The following ADORA2B variants were observed in gnomAD, a reference collection of about 807,000 sequenced individuals.
ADORA2B encodes the protein adenosine A2b receptor, also known as adenosine receptor A2b.
Under a neutral mutation model 20.8 loss-of-function variants are expected in ADORA2B, and 18 were observed. That is an observed-to-expected ratio of 0.87 (90% CI 0.60 to 1.29). The LOEUF is 1.29. Among genes scored for constraint, ADORA2B ranks in the 50% most tolerant of loss-of-function variants. The pLI is 0.00. For synonymous variants in ADORA2B, 179 were observed against 178.3 expected (o/e 1.00, Z -0.03); for missense variants, 441 against 422.7 (o/e 1.04, Z -0.38).
the ADORA2B span, among the ~76,000 whole-genome samples, chr17:15,932,951 ATTTTT>A: frequency 0.17 from 23,141 of 135,654 alleles, 1,819 homozygotes; most frequent in Non-Finnish European, 0.2. Flanking sequence ...TAGTCCTTCA[ATTTTT>A]TTTTTTTTTT....
rs139545406 is a variant in ADORA2B at position 15,949,440 on chromosome 17, G to C, written c.335+3857G>C. The stretch of plus-strand genomic sequence containing the variant: ...AGGCAGGAGAATTGCTTGAACCCAA[G>C]AGACAGAGGTTGCCGTGAGCCAGGA... On this transcript the variant is annotated intron_variant, in intron 1 of 1. Coordinates refer to ENST00000304222, the MANE Select transcript of ADORA2B (RefSeq NM_000676.4). Among the ~76,000 whole-genome samples the C allele has an allele frequency of 4.2e-3, 640 of 152,152 alleles. 4 individuals carry two copies. The highest frequency in any genetic ancestry group is 0.014 in the African/African-American group (601 of 41,504).
chr17:15,856,417 C>G, the ADORA2B span, among the ~76,000 whole-genome samples: 1 of 152,048 alleles, frequency 6.6e-6, no homozygotes, highest in Non-Finnish European at 1.5e-5. Flanking sequence ...TCTTTATAGC[C>G]GCGTGAAAAC....
the ADORA2B span, among the ~76,000 whole-genome samples, chr17:15,894,755 A>G: frequency 6.6e-6 from 1 of 152,190 alleles, no homozygotes; most frequent in Non-Finnish European, 1.5e-5. Flanking sequence ...ATTTTCTGAG[A>G]TGGGGAGGGC....
chr17:15,879,564 G>C, the ADORA2B span, among the ~76,000 whole-genome samples: 181 of 146,922 alleles, frequency 1.2e-3, no homozygotes, highest in African/African-American at 4.5e-3. Flanking sequence ...TTGAGACGGA[G>C]TCTTGCTCTG....
At chr17:15,940,300 A>G (rs1401195112), upstream of ADORA2B, among the ~76,000 whole-genome samples, 1 of 152,210 alleles carries the variant, frequency 6.6e-6, no homozygotes, top group African/African-American at 2.4e-5. Flanking sequence ...GACCTACCCA[A>G]CAGTCGTTCA....
chr17:15,864,555 G>C, the ADORA2B span, among the ~76,000 whole-genome samples: 1 of 152,094 alleles, frequency 6.6e-6, no homozygotes, highest in Non-Finnish European at 1.5e-5. Flanking sequence ...TGAGCTGATA[G>C]GGATTTCTTT....
the ADORA2B span, among the ~76,000 whole-genome samples, chr17:15,901,567 C>G: frequency 6.6e-6 from 1 of 151,986 alleles, no homozygotes; most frequent in South Asian, 2.1e-4. Context: ...TAGGCATTTT[C>G]CATGCATGGA....
upstream of ADORA2B, among the ~76,000 whole-genome samples, chr17:15,940,824 G>T (rs1969737556): frequency 6.6e-6 from 1 of 152,224 alleles, no homozygotes; most frequent in Non-Finnish European, 1.5e-5. Context: ...TTCACCTCAT[G>T]ATAAACGGTA....
chr17:15,975,710 C>A lies in ADORA2B; in HGVS notation c.*368C>A. 5.7e-6 allele frequency: 1 copy of A among 176,008 alleles called. No individual in the cohort carries two copies. The highest frequency in any genetic ancestry group is 1.2e-5 in the Non-Finnish European group (1 of 83,492). 10.9% of individuals were successfully genotyped at this position (176,008 alleles called of 1,614,324 possible). On this transcript the variant is annotated 3_prime_UTR_variant, in exon 2 of 2. Transcript: ENST00000304222. The stretch of plus-strand genomic sequence containing the variant: ...ATGCAAATACTTTTTAACTTAGAGG[C>A]AATGGAAAAATAAAAGTTGACTGTA...
At chr17:15,878,044 A>G in the ADORA2B span, among the ~76,000 whole-genome samples, 1 of 152,050 alleles carries the variant, frequency 6.6e-6, no homozygotes, top group Non-Finnish European at 1.5e-5. Context: ...GGGCTTCACA[A>G]TGGAATGAGA....
the ADORA2B span, among the ~76,000 whole-genome samples, chr17:15,881,375 A>G: frequency 6.6e-6 from 1 of 152,268 alleles, no homozygotes; most frequent in African/African-American, 2.4e-5. Context: ...TGCTGGGATT[A>G]CAGATATGAG....
At chr17:15,959,287 A>G (rs573804587) in intron 1 of ADORA2B, among the ~76,000 whole-genome samples, 4 of 152,318 alleles carry the variant, frequency 2.6e-5, no homozygotes, top group African/African-American at 4.8e-5. Context: ...AGTACAGTAC[A>G]TATTTGTATC....
At chr17:15,926,040 T>C in the ADORA2B span, among the ~76,000 whole-genome samples, 3 of 152,120 alleles carry the variant, frequency 2.0e-5, no homozygotes, top group African/African-American at 7.2e-5. Context: ...TCCAAAGCAA[T>C]TTTTTTCTGC....
intron 1 of ADORA2B, among the ~76,000 whole-genome samples, chr17:15,973,161 G>A (rs1445704670): frequency 1.3e-5 from 2 of 152,194 alleles, no homozygotes; most frequent in Admixed American, 1.3e-4. Flanking sequence ...CAAATGTCTT[G>A]TGGTGTTTGT....
the ADORA2B span, among the ~76,000 whole-genome samples, chr17:15,878,661 G>A: frequency 4.6e-5 from 7 of 152,018 alleles, no homozygotes; most frequent in Non-Finnish European, 8.8e-5. Context: ...TATTAATGCT[G>A]GACATTCTTG....
chr17:15,901,184 G>A, the ADORA2B span, among the ~76,000 whole-genome samples: 34 of 152,316 alleles, frequency 2.2e-4, no homozygotes, highest in East Asian at 3.1e-3. Flanking sequence ...GCTAATTTGA[G>A]GCTGGGCACA....
chr17:15,927,406 C>G, the ADORA2B span, among the ~76,000 whole-genome samples: 2 of 151,878 alleles, frequency 1.3e-5, no homozygotes, highest in African/African-American at 2.4e-5. Context: ...TCCCTTGAAC[C>G]CAGGAGGCAG....
chr17:15,974,948 A>G lies in ADORA2B; in HGVS notation c.605A>G (p.Tyr202Cys), dbSNP rs1203760263. 6 of 1,614,140 alleles carry G rather than the reference A, an allele frequency of 3.7e-6. No individual in the cohort carries two copies. The highest frequency in any genetic ancestry group is 1.3e-5 in the African/African-American group (1 of 75,048). The change falls in exon 2 of 2, where the codon TAC becomes TGC. Residue 202 changes from tyrosine (Y) to cysteine (C), a missense_variant. By Grantham distance (194) the Tyr-to-Cys change is radical (BLOSUM62 -2). Transcript: ENST00000304222. Reference protein sequence around the residue: ...LPPLLIMLVIYIKIFLVACRQ... With the variant: ...LPPLLIMLVICIKIFLVACRQ... ...CCACTGCTTATAATGCTGGTGATCT[A>G]CATTAAGATCTTCCTGGTGGCCTGC...
intron 1 of ADORA2B, among the ~76,000 whole-genome samples, chr17:15,968,704 T>TAGC (rs1281996248): frequency 1.3e-5 from 2 of 152,188 alleles, no homozygotes; most frequent in Non-Finnish European, 2.9e-5. Flanking sequence ...GACTGCAGTT[T>TAGC]AGCAGCAGCA....
Sources: allele counts gnomAD v4.1 joint callset (sites outside exome capture counted in the v4.1 genomes callset), GRCh38; gene constraint gnomAD v4.1.1; transcripts MANE v1.5; gene names NCBI Gene and HGNC (gene_info 2026-07-23, HGNC 2026-07-21).